SLC5A1: variants seen among roughly 807,000 people sequenced by gnomAD.
The protein encoded by SLC5A1 is sodium/glucose cotransporter 1.
SLC5A1 carries 42 observed loss-of-function variants against 73.5 expected under a neutral mutation model. That is an observed-to-expected ratio of 0.57 (90% CI 0.45 to 0.74). The LOEUF (loss-of-function observed/expected upper bound fraction) is 0.74. Among genes scored for constraint, SLC5A1 ranks in the 30% least tolerant of loss-of-function variants. The probability of loss-of-function intolerance (pLI) is 0.00; values close to 1 mark genes in which losing one functional copy is unlikely to be tolerated. For missense variants in SLC5A1, 634 were observed against 855.4 expected (o/e 0.74, Z 3.23); for synonymous variants, 300 against 317.4 (o/e 0.95, Z 0.58).
At chr22:32,089,372 TATTTA>T (rs1363688377) in intron 10 of SLC5A1, among the ~76,000 whole-genome samples, 2 of 152,134 alleles carry the variant, frequency 1.3e-5, no homozygotes, top group Non-Finnish European at 2.9e-5. Context: ...GACCATAAAT[TATTTA>T]AAGATATAAA....
At chr22:32,055,463 A>G (rs561240832) in intron 2 of SLC5A1, among the ~76,000 whole-genome samples, 1 of 152,334 alleles carries the variant, frequency 6.6e-6, no homozygotes, top group East Asian at 1.9e-4. Context: ...GACACTAATC[A>G]TGATTAAAGA....
intron 2 of SLC5A1, among the ~76,000 whole-genome samples, chr22:32,054,419 T>C (rs1250151647): frequency 6.6e-6 from 1 of 152,148 alleles, no homozygotes; most frequent in African/African-American, 2.4e-5. Context: ...GAAAGTGTAT[T>C]TGAGTCAAGG....
rs1220490374 is a variant in SLC5A1 at position 32,081,849 on chromosome 22, C to A, written c.478-17C>A. 1 of 1,570,954 alleles carries A rather than the reference C, an allele frequency of 6.4e-7. No homozygotes were observed. Among genetic ancestry groups the A allele is most frequent in the East Asian group, 2.2e-5 (1 of 44,664 alleles). ...TGACCACTCTCCCTCCTAACTCCGC[C>A]TCTCCTCTCCTTCCAGGCAGACATC... On this transcript the variant is annotated splice_polypyrimidine_tract_variant and intron_variant, in intron 5 of 14. Transcript: ENST00000266088.
chr22:32,075,076 T>A, intron 5 of SLC5A1, among the ~76,000 whole-genome samples: 1 of 146,728 alleles, frequency 6.8e-6, no homozygotes. Context: ...TTTACTTTTT[T>A]TTTTTTTTTT....
chr22:32,099,102 AAAAATATATATATAT>A (rs1296398485), intron 11 of SLC5A1, 66 bp from the exon 12 acceptor site: 5 of 127,008 alleles, frequency 3.9e-5, no homozygotes, highest in East Asian at 2.5e-4. Context: ...AAAAAAAAAA[AAAAATATATATATAT>A]ATATATATAT....
At chr22:32,056,842 C>T (rs1353296473) in intron 2 of SLC5A1, among the ~76,000 whole-genome samples, 8 of 152,270 alleles carry the variant, frequency 5.3e-5, no homozygotes, top group Non-Finnish European at 1.0e-4. Flanking sequence ...AAGGAGAAAA[C>T]GATGACTCTG....
intron 5 of SLC5A1, 137 bp from the exon 6 acceptor site, chr22:32,081,729 A>G (rs2149491612): frequency 1.4e-6 from 1 of 736,754 alleles, no homozygotes; most frequent in South Asian, 1.4e-5. Context: ...CTTTTTGACC[A>G]TGGAATTCTT....
At chr22:32,059,172 A>C (rs1019514857) in intron 2 of SLC5A1, 1 of 984,640 alleles carries the variant, frequency 1.0e-6, no homozygotes, top group African/African-American at 1.8e-5. Context: ...CAGAAGTTAC[A>C]GTGAGCCGAG....
intron 5 of SLC5A1, among the ~76,000 whole-genome samples, chr22:32,075,532 C>T (rs905900046): frequency 6.6e-6 from 1 of 152,200 alleles, no homozygotes; most frequent in Non-Finnish European, 1.5e-5. Flanking sequence ...TTTCCTGACA[C>T]TGAATCTAAA....
At chr22:32,100,346 C>T (rs1369224625) in intron 12 of SLC5A1, among the ~76,000 whole-genome samples, 2 of 152,236 alleles carry the variant, frequency 1.3e-5, no homozygotes, top group Non-Finnish European at 2.9e-5. Context: ...CCTAACTGCG[C>T]TGTCTAGGAC....
At chr22:32,049,162 A>AATCTAT (rs35964250) in intron 1 of SLC5A1, among the ~76,000 whole-genome samples, 1,897 of 128,946 alleles carry the variant, frequency 0.015, 21 homozygotes, top group South Asian at 0.028. Context: ...TATTATATAT[A>AATCTAT]ATCTATATCT....
intron 1 of SLC5A1, among the ~76,000 whole-genome samples, chr22:32,048,652 C>T (rs951570331): frequency 6.6e-6 from 1 of 152,148 alleles, no homozygotes; most frequent in Non-Finnish European, 1.5e-5. Context: ...ACATTCCTCC[C>T]TCTTCTCTAA....
intron 9 of SLC5A1, 36 bp from the exon 10 acceptor site, chr22:32,086,184 G>A (rs756639991): frequency 3.3e-6 from 4 of 1,226,992 alleles, no homozygotes; most frequent in Non-Finnish European, 4.8e-6. Flanking sequence ...TTTCCCCAAT[G>A]TCTGCTTGCT....
In SLC5A1 at chr22:32,085,014, A is replaced by C. The variant is rs199881996; in HGVS notation, c.1000A>C (p.Ile334Leu). 6.2e-7 allele frequency: 1 copy of C among 1,614,176 alleles called. No homozygotes were observed. The highest frequency in any genetic ancestry group is 8.5e-7 in the Non-Finnish European group (1 of 1,180,030). The change falls in exon 9 of 15, where the codon ATC becomes CTC. Residue 334 changes from isoleucine to leucine, a missense_variant. Ile to Leu is a conservative substitution (Grantham distance 5). Around this residue, in one of 3 missense-constraint regions of SLC5A1, gnomAD observed 422 missense variants for 626.1 expected, o/e 0.67. Transcript: ENST00000266088. ...GTTCATCATGGTGATGCCAGGAATG[A>C]TCAGCCGCATTCTGTACACAGGTAA... ...PMFIMVMPGM[I>L]SRILYTEKIA...
At chr22:32,104,727 C>T in intron 13 of SLC5A1, 59 bp from the exon 14 acceptor site, 2 of 1,395,844 alleles carry the variant, frequency 1.4e-6, no homozygotes, top group Non-Finnish European at 2.0e-6. Context: ...GCCCCCCCAA[C>T]TTCTTGTCCC....
At chr22:32,080,057 TAGAG>T (rs1294904061) in intron 5 of SLC5A1, among the ~76,000 whole-genome samples, 2 of 152,028 alleles carry the variant, frequency 1.3e-5, no homozygotes, top group South Asian at 4.2e-4. Flanking sequence ...CACTGAGAAT[TAGAG>T]AGGGGAAATG....
Position 32,066,922 on chromosome 22 carries a change from T to G in SLC5A1, c.208-13T>G, listed in dbSNP as rs200261297. 1.2e-6 allele frequency: 2 copies of G among 1,604,284 alleles called. No individual in the cohort carries two copies. Among genetic ancestry groups the G allele is most frequent in the Non-Finnish European group, 1.7e-6 (2 of 1,171,358 alleles). The stretch of plus-strand genomic sequence containing the variant: ...GCACAGAGCCCTCACCTGACTTTCT[T>G]TTGCGTTTCCAGATTGGAGCCTCCC... On this transcript the variant is annotated splice_polypyrimidine_tract_variant and intron_variant, in intron 2 of 14. Coordinates refer to ENST00000266088, the MANE Select transcript of SLC5A1 (RefSeq NM_000343.4).
chr22:32,110,520 T>A lies in SLC5A1; in HGVS notation c.*307T>A. The A allele has an allele frequency of 2.2e-6, 1 of 446,264 alleles. No individual in the cohort carries two copies. The highest frequency in any genetic ancestry group is 4.6e-5 in the East Asian group (1 of 21,680). 27.6% of individuals were successfully genotyped at this position (446,264 alleles called of 1,614,324 possible). On this transcript the variant is annotated 3_prime_UTR_variant, in exon 15 of 15. Coordinates refer to ENST00000266088, the MANE Select transcript of SLC5A1 (RefSeq NM_000343.4). ...GTGATTGATGTCTGACGTGAGTCTGTCTCAGGTAGATTCCGGGTGTCAGTG... is the reference window on the plus strand; with the variant it reads ...GTGATTGATGTCTGACGTGAGTCTGACTCAGGTAGATTCCGGGTGTCAGTG...
Position 32,085,019 on chromosome 22 carries a change from C to T in SLC5A1, c.1005C>T (p.Ser335=), listed in dbSNP as rs1318093654. The T allele has an allele frequency of 1.9e-6, 3 of 1,614,182 alleles. No homozygotes were observed. Among genetic ancestry groups the T allele is most frequent in the Non-Finnish European group, 1.7e-6 (2 of 1,180,034 alleles). ...MFIMVMPGMI[S]RILYTEKIAC... Reference sequence around the variant, plus strand: ...TCATGGTGATGCCAGGAATGATCAGCCGCATTCTGTACACAGGTAATAACT... The same window carrying T: ...TCATGGTGATGCCAGGAATGATCAGTCGCATTCTGTACACAGGTAATAACT... The change falls in exon 9 of 15, where the codon AGC becomes AGT. Residue 335 remains serine, a synonymous_variant. Coordinates refer to ENST00000266088, the MANE Select transcript of SLC5A1 (RefSeq NM_000343.4).
Sources: gnomAD v4.1 joint callset for allele counts (sites outside exome capture counted in the v4.1 genomes callset) on GRCh38, gnomAD v4.1.1 for gene constraint, gnomAD v4.1.1 regional missense constraint, MANE v1.5 for transcripts, NCBI Gene and HGNC (gene_info 2026-07-23, HGNC 2026-07-21) for gene names.